KCNQ1: variants seen among roughly 807,000 people sequenced by gnomAD.
The protein encoded by KCNQ1 is potassium voltage-gated channel subfamily KQT member 1.
In KCNQ1, 49 loss-of-function variants were observed where a neutral mutation model predicts 72.4. The observed-to-expected ratio is 0.68, with a 90% CI of 0.54 to 0.86. KCNQ1 has a LOEUF of 0.86. Among genes scored for constraint, KCNQ1 ranks in the 40% least tolerant of loss-of-function variants. KCNQ1 has a pLI of 0.00. For synonymous variants in KCNQ1, 450 were observed against 412.6 expected, an observed-to-expected ratio of 1.09 and a Z score of -1.10; for missense variants, 790 against 945.1, an observed-to-expected ratio of 0.84 and a Z score of 2.15.
chr11:2,696,498 G>T (rs1452471337), intron 11 of KCNQ1: 20 of 398,680 alleles, frequency 5.0e-5, no homozygotes, highest in Middle Eastern at 1.3e-3. Flanking sequence ...GTATCTGCCA[G>T]CAGAAGTCCT....
intron 1 of KCNQ1, among the ~76,000 whole-genome samples, chr11:2,476,162 C>G (rs1474931001): frequency 3.3e-5 from 5 of 152,204 alleles, no homozygotes; most frequent in African/African-American, 1.2e-4. Flanking sequence ...AAAAGATGTA[C>G]CTTTTACAGT....
At position 2,550,186 on chromosome 11, in the gene KCNQ1, C is replaced by A. The variant is rs567392832; in HGVS notation, c.478-20442C>A. Reference sequence around the variant, plus strand: ...GGACATCCCGCAGGCAGTGCACGTCCCTCCCCCGCCTCTCTTTGCCGTTGC... The same window carrying A: ...GGACATCCCGCAGGCAGTGCACGTCACTCCCCCGCCTCTCTTTGCCGTTGC... On this transcript the variant is annotated intron_variant, in intron 2 of 15. Transcript: ENST00000155840. This position sits in a 1 kb window ranked among gnomAD's most constrained non-coding sequence, Gnocchi z 6.0. Among the ~76,000 whole-genome samples the A allele has an allele frequency of 9.2e-5, 14 of 152,342 alleles. No homozygotes were observed. In the South Asian group the frequency reaches 2.3e-3, roughly 25 times the overall value.
chr11:2,448,211 T>A (rs1343036956), intron 1 of KCNQ1, among the ~76,000 whole-genome samples: 4 of 152,148 alleles, frequency 2.6e-5, no homozygotes, highest in Non-Finnish European at 4.4e-5. Context: ...TGCTTGGAGA[T>A]CCTGGTTGTG....
intron 15 of KCNQ1, among the ~76,000 whole-genome samples, chr11:2,839,072 C>A (rs975388890): frequency 6.6e-6 from 1 of 152,216 alleles, no homozygotes; most frequent in African/African-American, 2.4e-5. Context: ...CAGAGCCGCC[C>A]CTGCCTGGCG....
intron 2 of KCNQ1, among the ~76,000 whole-genome samples, chr11:2,528,613 GCCCACGGGGTC>G (rs1847552072): frequency 6.6e-6 from 1 of 152,238 alleles, no homozygotes; most frequent in Admixed American, 6.5e-5. Context: ...TGTGTCTGGA[GCCCACGGGGTC>G]CCCACGGAAG....
chr11:2,620,224 A>ATTAT lies in KCNQ1; in HGVS notation c.1393+31372_1393+31373insATTT. ...GTATATATATATATTTTTTTTTTTT[A>ATTAT]TTTTTTTTTTAGACGGAGTTTCGCT... On this transcript the variant is annotated intron_variant, in intron 10 of 15. Transcript: ENST00000155840. The surrounding 1 kb of genome is among the most constrained non-coding windows in gnomAD (Gnocchi z 4.5). 1 of 225,826 alleles carries ATTAT rather than the reference A, an allele frequency of 4.4e-6. No homozygotes were observed. Among genetic ancestry groups the ATTAT allele is most frequent in the African/African-American group, 2.8e-5 (1 of 36,122 alleles). 14.0% of individuals were successfully genotyped at this position (225,826 alleles called of 1,614,324 possible).
chr11:2,607,403 A>T (rs55755250), intron 10 of KCNQ1, among the ~76,000 whole-genome samples: 1 of 152,154 alleles, frequency 6.6e-6, no homozygotes, highest in African/African-American at 2.4e-5. Context: ...TTGAAATCCT[A>T]ACCCCCAATG....
intron 10 of KCNQ1, chr11:2,636,791 T>G (rs1225920891): frequency 1.3e-5 from 2 of 152,258 alleles, no homozygotes; most frequent in Non-Finnish European, 2.9e-5. Context: ...TCTGGTAGAA[T>G]TCGGCTGTGA....
chr11:2,599,438 G>A lies in KCNQ1; in HGVS notation c.1393+10584G>A, dbSNP rs1564829416. On this transcript the variant is annotated intron_variant, in intron 10 of 15. Transcript: ENST00000155840. This position sits in a 1 kb window ranked among gnomAD's most constrained non-coding sequence, Gnocchi z 4.7. ...TAATTTCCTTTGGTGTACATACTCTGTGATGTTCTCTATCGCTTAAAATTC... is the reference window on the plus strand; with the variant it reads ...TAATTTCCTTTGGTGTACATACTCTATGATGTTCTCTATCGCTTAAAATTC... Among the ~76,000 whole-genome samples, 1 of 152,072 alleles carries A rather than the reference G, an allele frequency of 6.6e-6. No individual in the cohort carries two copies. Among genetic ancestry groups the A allele is most frequent in the African/African-American group, 2.4e-5 (1 of 41,370 alleles).
chr11:2,687,993 G>A lies in KCNQ1; in HGVS notation c.1514+25912G>A, dbSNP rs141995690. 1.7e-4 allele frequency: 66 copies of A among 398,724 alleles called. No homozygotes were observed. The highest frequency in any genetic ancestry group is 1.0e-3 in the Admixed American group (23 of 22,744). 24.7% of individuals were successfully genotyped at this position (398,724 alleles called of 1,614,324 possible). ...TCCTGCTTCCCTTTGATGTCTCCTC[G>A]TGCGAGGGAGGGGTCAGCACCCCTC... On this transcript the variant is annotated intron_variant, in intron 11 of 15. Coordinates refer to ENST00000155840, the MANE Select transcript of KCNQ1 (RefSeq NM_000218.3). This position sits in a 1 kb window ranked among gnomAD's most constrained non-coding sequence, Gnocchi z 5.0.
At chr11:2,776,123 C>A in intron 13 of KCNQ1, 69 bp downstream of exon 13, 1 of 1,339,832 alleles carries the variant, frequency 7.5e-7, no homozygotes, top group Non-Finnish European at 1.0e-6. Flanking sequence ...GCTGCATGAT[C>A]AGCGGTGCCG....
intron 10 of KCNQ1, chr11:2,634,989 A>C (rs1389389161): frequency 6.6e-6 from 1 of 152,194 alleles, no homozygotes; most frequent in African/African-American, 2.4e-5. Flanking sequence ...TCTTTTGAGA[A>C]GTGTCTGTTC....
At chr11:2,531,535 C>T (rs1465511723) in intron 2 of KCNQ1, among the ~76,000 whole-genome samples, 1 of 152,186 alleles carries the variant, frequency 6.6e-6, no homozygotes, top group Non-Finnish European at 1.5e-5. Flanking sequence ...TGCCCACTGT[C>T]TGCGCATCCC....
chr11:2,777,016 G>A lies in KCNQ1; in HGVS notation c.1716G>A (p.Leu572=), dbSNP rs886039093. 3 of 1,614,140 alleles carry A rather than the reference G, an allele frequency of 1.9e-6. No individual in the cohort carries two copies. Among genetic ancestry groups the A allele is most frequent in the Non-Finnish European group, 2.5e-6 (3 of 1,180,002 alleles). Residue 572 remains leucine, a synonymous_variant, in exon 14 of 16, where the codon CTG becomes CTA. Coordinates refer to ENST00000155840, the MANE Select transcript of KCNQ1 (RefSeq NM_000218.3). ...ACCAGTCCATTGGGAAGCCCTCACT[G>A]TTCATCTCCGTCTCAGGTGGGTTTC... is the stretch of plus-strand genomic sequence containing the variant. ...RLDQSIGKPS[L]FISVSEKSKD...
chr11:2,634,320 TCCCCCC>T (rs746915727), intron 10 of KCNQ1: 4 of 165,106 alleles, frequency 2.4e-5, no homozygotes, highest in Admixed American at 1.0e-4. Context: ...CCCTCCCCCC[TCCCCCC>T]TCCCCCCCCA....
intron 10 of KCNQ1, chr11:2,635,698 G>GT (rs922889143): frequency 2.0e-5 from 3 of 152,218 alleles, no homozygotes; most frequent in African/African-American, 2.4e-5. Context: ...CTTTAAAGTA[G>GT]TTTTTTTCCA....
At chr11:2,716,013 G>T (rs1851086509) in intron 11 of KCNQ1, among the ~76,000 whole-genome samples, 4 of 152,190 alleles carry the variant, frequency 2.6e-5, no homozygotes. Context: ...GGGAGAGGCT[G>T]CCCTGCCTTT....
chr11:2,776,809 A>G (rs1846711647), intron 13 of KCNQ1, among the ~76,000 whole-genome samples, 177 bp from the exon 14 acceptor site: 1 of 152,132 alleles, frequency 6.6e-6, no homozygotes, highest in South Asian at 2.1e-4. Context: ...CCTCGGGAGC[A>G]TGGCCCTCTG....
rs1850572681 is a variant in KCNQ1, at chr11:2,690,623, A to G, written c.1514+28542A>G. 2.5e-6 allele frequency: 1 copy of G among 398,678 alleles called. No homozygotes were observed. Among genetic ancestry groups the G allele is most frequent in the Non-Finnish European group, 4.4e-6 (1 of 226,092 alleles). 24.7% of individuals were successfully genotyped at this position (398,678 alleles called of 1,614,324 possible). A position where few individuals can be genotyped will look rare whatever the true frequency, so the allele number is the denominator to read the frequency against. On this transcript the variant is annotated intron_variant, in intron 11 of 15. Transcript: ENST00000155840. The surrounding 1 kb of genome is among the most constrained non-coding windows in gnomAD (Gnocchi z 5.1). ...GGGGCACACATATGTGCATGTTCATATATGTGTCAGAATGCGTATTTGTCA... is the reference window on the plus strand; with the variant it reads ...GGGGCACACATATGTGCATGTTCATGTATGTGTCAGAATGCGTATTTGTCA...
Sources: allele counts gnomAD v4.1 joint callset (sites outside exome capture counted in the v4.1 genomes callset), GRCh38; gene constraint gnomAD v4.1.1; non-coding constraint Gnocchi (gnomAD v3.1); transcripts MANE v1.5; gene names NCBI Gene and HGNC (gene_info 2026-07-23, HGNC 2026-07-21).